Variants in NCKAP5 observed in about 807,000 individuals in gnomAD.
The protein encoded by NCKAP5 is NCK associated protein 5.
Under a neutral mutation model 167.0 loss-of-function variants are expected in NCKAP5, and 92 were observed. The ratio of observed to expected loss-of-function variants is 0.55; its 90% CI spans 0.47 to 0.66. NCKAP5 has a LOEUF of 0.66. NCKAP5 is among the 30% of genes least tolerant of loss of function. NCKAP5 has a pLI of 0.00. For missense variants in NCKAP5, 2,378 were observed against 2,315.0 expected, an observed-to-expected ratio of 1.03 and a Z score of -0.56; for synonymous variants, 891 against 877.4, an observed-to-expected ratio of 1.02 and a Z score of -0.27.
chr2:133,038,546 T>C (rs1294976204), intron 6 of NCKAP5, among the ~76,000 whole-genome samples: 1 of 152,022 alleles, frequency 6.6e-6, no homozygotes, highest in Non-Finnish European at 1.5e-5. Flanking sequence ...ATAAATAACA[T>C]CTACTATTTG....
At chr2:133,468,734 T>C (rs759774047) in intron 3 of NCKAP5, among the ~76,000 whole-genome samples, 1 of 152,248 alleles carries the variant, frequency 6.6e-6, no homozygotes, top group Non-Finnish European at 1.5e-5. Context: ...TCAGCTGTTC[T>C]TGTTGAATTG....
intron 5 of NCKAP5, among the ~76,000 whole-genome samples, chr2:133,186,587 C>T (rs1284834202): frequency 3.9e-5 from 6 of 151,966 alleles, no homozygotes; most frequent in Admixed American, 3.9e-4. Flanking sequence ...GTCCAGGGCT[C>T]TTTTGAGTTG....
chr2:133,269,161 T>C (rs2089393366), intron 4 of NCKAP5: 1 of 152,214 alleles, frequency 6.6e-6, no homozygotes, highest in South Asian at 2.1e-4. Flanking sequence ...CTTCAAAATA[T>C]ATCATCTCAT....
intron 11 of NCKAP5, among the ~76,000 whole-genome samples, chr2:132,815,696 C>T (rs1438967693): frequency 6.6e-6 from 1 of 152,040 alleles, no homozygotes; most frequent in African/African-American, 2.4e-5. Flanking sequence ...ATTCAAAAAG[C>T]CAATGGTTGA....
chr2:133,419,217 A>G (rs969046757), intron 3 of NCKAP5, among the ~76,000 whole-genome samples: 4 of 152,210 alleles, frequency 2.6e-5, no homozygotes, highest in African/African-American at 9.6e-5. Flanking sequence ...ATTTTACCAA[A>G]TTCCTTTATT....
chr2:133,430,793 TC>T (rs951879953), intron 3 of NCKAP5, among the ~76,000 whole-genome samples: 12 of 150,158 alleles, frequency 8.0e-5, no homozygotes, highest in African/African-American at 3.0e-4. Flanking sequence ...GAATAAAAAA[TC>T]TCCCAAATGG....
At chr2:132,738,850 C>A (rs541946560) in intron 16 of NCKAP5, among the ~76,000 whole-genome samples, 1 of 151,986 alleles carries the variant, frequency 6.6e-6, no homozygotes, top group East Asian at 1.9e-4. Context: ...TCGTGTGAAC[C>A]AATACAGTGA....
At chr2:133,129,827 G>A in intron 6 of NCKAP5, 151 bp downstream of exon 6, 2 of 829,290 alleles carry the variant, frequency 2.4e-6, no homozygotes, top group Non-Finnish European at 3.4e-6. Context: ...AATGCCATAG[G>A]ATGCTTCAGT....
chr2:133,074,297 A>C (rs900738929), intron 6 of NCKAP5, among the ~76,000 whole-genome samples: 1 of 152,178 alleles, frequency 6.6e-6, no homozygotes, highest in Non-Finnish European at 1.5e-5. Flanking sequence ...GAAAAAAAAA[A>C]CAAGAACTTT....
At chr2:132,839,416 C>T (rs1032740724) in intron 11 of NCKAP5, among the ~76,000 whole-genome samples, 3 of 151,998 alleles carry the variant, frequency 2.0e-5, no homozygotes, top group South Asian at 4.2e-4. Context: ...GTATAAGTAC[C>T]GTTGACTCTT....
intron 3 of NCKAP5, among the ~76,000 whole-genome samples, chr2:133,325,534 A>G (rs1236377330): frequency 2.0e-5 from 3 of 152,218 alleles, no homozygotes; most frequent in Admixed American, 2.0e-4. Flanking sequence ...TAGTTTCTAC[A>G]GCCAACCATA....
At chr2:133,378,981 A>G (rs540212217) in intron 3 of NCKAP5, among the ~76,000 whole-genome samples, 13 of 152,326 alleles carry the variant, frequency 8.5e-5, no homozygotes, top group Admixed American at 3.9e-4. Flanking sequence ...TAATAAAGTA[A>G]CTTATGCCAC....
At chr2:133,181,534 A>C (rs778572349) in intron 5 of NCKAP5, among the ~76,000 whole-genome samples, 8 of 144,308 alleles carry the variant, frequency 5.5e-5, no homozygotes, top group Non-Finnish European at 1.0e-4. Context: ...TGGGAGGCTG[A>C]GCTGGGCAGG....
chr2:132,804,253 T>G (rs1685259892), intron 11 of NCKAP5, among the ~76,000 whole-genome samples: 1 of 152,118 alleles, frequency 6.6e-6, no homozygotes, highest in African/African-American at 2.4e-5. Flanking sequence ...AAGCTTCCCT[T>G]TTGTCTTCTT....
At chr2:133,004,629 G>A (rs535062121) in intron 6 of NCKAP5, among the ~76,000 whole-genome samples, 1 of 152,316 alleles carries the variant, frequency 6.6e-6, no homozygotes, top group Non-Finnish European at 1.5e-5. Flanking sequence ...CTCAAGGCAA[G>A]GGTGAAATTA....
intron 2 of NCKAP5, among the ~76,000 whole-genome samples, chr2:133,536,122 G>A (rs1291220647): frequency 1.3e-5 from 2 of 152,062 alleles, no homozygotes; most frequent in African/African-American, 2.4e-5. Flanking sequence ...CTTTTGCTGT[G>A]CAGAAGCTTT....
chr2:133,195,992 A>G (rs1286186447), intron 5 of NCKAP5, among the ~76,000 whole-genome samples: 1 of 152,194 alleles, frequency 6.6e-6, no homozygotes, highest in Admixed American at 6.6e-5. Context: ...CCACAAGGAA[A>G]TAAAGAGGAG....
intron 3 of NCKAP5, among the ~76,000 whole-genome samples, chr2:133,359,912 C>A (rs1371558481): frequency 6.6e-6 from 1 of 152,116 alleles, no homozygotes; most frequent in Non-Finnish European, 1.5e-5. Flanking sequence ...ATTATACAGA[C>A]TTTTTGGAGG....
intron 5 of NCKAP5, among the ~76,000 whole-genome samples, chr2:133,158,182 C>T (rs1459609502): frequency 6.6e-6 from 1 of 152,162 alleles, no homozygotes; most frequent in East Asian, 1.9e-4. Context: ...GAGGTTTTCA[C>T]TGGAATCTAT....
Sources: allele counts gnomAD v4.1 joint callset (sites outside exome capture counted in the v4.1 genomes callset), GRCh38; gene constraint gnomAD v4.1.1; transcripts MANE v1.5; gene names NCBI Gene and HGNC (gene_info 2026-07-23, HGNC 2026-07-21).